Variants in DTWD2 observed in about 807,000 individuals in gnomAD.
DTWD2 encodes DTW motif tRNA-uridine aminocarboxypropyltransferase 2.
DTWD2 carries 39 observed loss-of-function variants against 31.8 expected under a neutral mutation model. The observed-to-expected ratio is 1.22, with a 90% CI of 0.95 to 1.60. The LOEUF is 1.60. Among genes scored for constraint, DTWD2 ranks in the 40% most tolerant of loss-of-function variants. The probability of loss-of-function intolerance (pLI) is 0.00; values close to 1 mark genes in which losing one functional copy is unlikely to be tolerated. For missense variants in DTWD2, 515 were observed against 381.5 expected (o/e 1.35, Z -2.92); for synonymous variants, 180 against 142.8 (o/e 1.26, Z -1.86).
intron 4 of DTWD2, among the ~76,000 whole-genome samples, chr5:118,922,304 A>G (rs1025743668): frequency 2.0e-5 from 3 of 152,138 alleles, no homozygotes; most frequent in African/African-American, 4.8e-5. Flanking sequence ...GGGCGAAAAA[A>G]CTATATTTCT....
chr5:118,859,259 G>C (rs549641738), intron 4 of DTWD2, among the ~76,000 whole-genome samples: 12 of 150,452 alleles, frequency 8.0e-5, no homozygotes, highest in Middle Eastern at 3.5e-3. Flanking sequence ...TACAGTTTCT[G>C]TAGAAAAGGC....
chr5:118,949,905 T>G (rs545845060), intron 1 of DTWD2, among the ~76,000 whole-genome samples: 2 of 151,772 alleles, frequency 1.3e-5, no homozygotes, highest in African/African-American at 2.4e-5. Flanking sequence ...TAAAAAGGAG[T>G]GCACAAAAGA....
At chr5:118,985,235 C>A (rs1469167182) in intron 1 of DTWD2, among the ~76,000 whole-genome samples, 1 of 151,954 alleles carries the variant, frequency 6.6e-6, no homozygotes, top group Non-Finnish European at 1.5e-5. Flanking sequence ...TCCCTCAAGC[C>A]CTCTCCTCAG....
At chr5:118,861,933 G>C (rs1051234334) in intron 4 of DTWD2, among the ~76,000 whole-genome samples, 2 of 152,156 alleles carry the variant, frequency 1.3e-5, no homozygotes, top group African/African-American at 4.8e-5. Context: ...GTTCCAGGCA[G>C]AGCGAGTAAC....
Position 118,838,351 on chromosome 5 carries a change from C to G in DTWD2, c.*2566G>C, listed in dbSNP as rs1165346555. On this transcript the variant is annotated 3_prime_UTR_variant, in exon 6 of 6. Coordinates refer to ENST00000510708, the MANE Select transcript of DTWD2 (RefSeq NM_173666.4). ...GTGCAGATGGGGTACACAAGTAAAA[C>G]CTACTATCAGCTACAAATTCATAAA... The G allele has an allele frequency of 6.6e-6, 1 of 152,032 alleles. No individual in the cohort carries two copies. The allele number at this position is 152,032 out of a possible 1,614,324, so 9.4% of individuals were successfully genotyped here.
intron 5 of DTWD2, 88 bp downstream of exon 5, chr5:118,848,002 T>C (rs1751899187): frequency 2.2e-6 from 3 of 1,350,380 alleles, no homozygotes; most frequent in East Asian, 5.2e-5. Flanking sequence ...GTCACATGAG[T>C]TACAAATTTA....
chr5:118,836,326 G>C lies in DTWD2; in HGVS notation c.*4591C>G, dbSNP rs1368679054. On this transcript the variant is annotated 3_prime_UTR_variant, in exon 6 of 6. Transcript: ENST00000510708. Reference sequence around the variant, plus strand: ...TACATCTCAGCTCACTGCAACCTCTGCCTCCCAGGTTCAAGCAATTCTCTG... The same window carrying C: ...TACATCTCAGCTCACTGCAACCTCTCCCTCCCAGGTTCAAGCAATTCTCTG... 6.6e-6 allele frequency among the ~76,000 whole-genome samples: 1 copy of C among 152,048 alleles called. No homozygotes were observed. The highest frequency in any genetic ancestry group is 1.5e-5 in the Non-Finnish European group (1 of 68,028).
Position 118,988,328 on chromosome 5 carries a change from G to A in DTWD2, c.184C>T (p.Pro62Ser). 1.3e-6 allele frequency: 2 copies of A among 1,541,796 alleles called. No individual in the cohort carries two copies. The highest frequency in any genetic ancestry group is 1.7e-6 in the Non-Finnish European group (2 of 1,148,156). Residue 62 changes from proline (P) to serine (S), a missense_variant, in exon 1 of 6, where the codon CCG (proline) becomes TCG (serine). Transcript: ENST00000510708. ...ADGLWELPVE[P>S]AERRPECTRC... ...GTGCACTCAGGCCTCCGCTCGGCCG[G>A]CTCCACCGGCAGCTCCCACAGCCCG...
chr5:118,870,170 C>G (rs377501292), intron 4 of DTWD2, among the ~76,000 whole-genome samples: 1 of 152,116 alleles, frequency 6.6e-6, no homozygotes, highest in East Asian at 1.9e-4. Context: ...TATAAATTAC[C>G]CAGCCTTAGG....
chr5:118,841,407 A>G (rs534036231), intron 5 of DTWD2, among the ~76,000 whole-genome samples: 1 of 152,350 alleles, frequency 6.6e-6, no homozygotes, highest in South Asian at 2.1e-4. Flanking sequence ...AATTGAATCC[A>G]TAACAAGGAG....
At chr5:118,900,983 G>C (rs1238558465) in intron 4 of DTWD2, among the ~76,000 whole-genome samples, 1 of 151,004 alleles carries the variant, frequency 6.6e-6, no homozygotes, top group African/African-American at 2.4e-5. Context: ...ACTTTTAGTG[G>C]AGGTAATCAG....
At chr5:118,949,153 A>G (rs767462690) in intron 1 of DTWD2, among the ~76,000 whole-genome samples, 5 of 152,194 alleles carry the variant, frequency 3.3e-5, no homozygotes, top group African/African-American at 9.7e-5. Flanking sequence ...GAGGGGCTAT[A>G]AAGTAGAAGG....
At chr5:118,856,157 A>G (rs1213333363) in intron 4 of DTWD2, among the ~76,000 whole-genome samples, 1 of 152,176 alleles carries the variant, frequency 6.6e-6, no homozygotes, top group Non-Finnish European at 1.5e-5. Flanking sequence ...CCTTTTCTGA[A>G]ATAGCCATTA....
At chr5:118,926,130 A>C (rs1753803278) in intron 4 of DTWD2, among the ~76,000 whole-genome samples, 1 of 152,170 alleles carries the variant, frequency 6.6e-6, no homozygotes, top group African/African-American at 2.4e-5. Context: ...TCACAACTGC[A>C]AAGACGTGGA....
chr5:118,848,001 G>T, intron 5 of DTWD2, 89 bp downstream of exon 5: 1 of 1,345,088 alleles, frequency 7.4e-7, no homozygotes, highest in Non-Finnish European at 9.8e-7. Flanking sequence ...TGTCACATGA[G>T]TTACAAATTT....
intron 1 of DTWD2, among the ~76,000 whole-genome samples, chr5:118,955,347 C>T (rs1754561542): frequency 6.6e-6 from 1 of 152,158 alleles, no homozygotes; most frequent in Non-Finnish European, 1.5e-5. Flanking sequence ...TCTTTCCTCC[C>T]CGACAATGCT....
chr5:118,877,228 T>A (rs1752639966), intron 4 of DTWD2, among the ~76,000 whole-genome samples: 1 of 152,190 alleles, frequency 6.6e-6, no homozygotes, highest in South Asian at 2.1e-4. Context: ...ATCCCAGCAC[T>A]TTGGGAGACC....
At chr5:118,931,873 A>G (rs1238765885) in intron 3 of DTWD2, among the ~76,000 whole-genome samples, 2 of 152,224 alleles carry the variant, frequency 1.3e-5, no homozygotes, top group African/African-American at 4.8e-5. Context: ...AATAGAAATC[A>G]TACAAAGTAT....
chr5:118,844,275 T>G (rs1056758566), intron 5 of DTWD2, among the ~76,000 whole-genome samples: 1 of 152,234 alleles, frequency 6.6e-6, no homozygotes, highest in African/African-American at 2.4e-5. Context: ...ACATTCAGGT[T>G]ATAGCAGGAG....
Sources: allele counts gnomAD v4.1 joint callset (sites outside exome capture counted in the v4.1 genomes callset), GRCh38; gene constraint gnomAD v4.1.1; transcripts MANE v1.5; gene names NCBI Gene and HGNC (gene_info 2026-07-23, HGNC 2026-07-21).